RNLS: variants seen among roughly 807,000 people sequenced by gnomAD.
The protein encoded by RNLS is renalase.
RNLS carries 39 observed loss-of-function variants against 39.8 expected under a neutral mutation model. That is an observed-to-expected ratio of 0.98 (90% CI 0.76 to 1.28). The LOEUF (loss-of-function observed/expected upper bound fraction) is 1.28, where lower values mean the gene tolerates loss of function less well. Among genes scored for constraint, RNLS ranks in the 50% most tolerant of loss-of-function variants. RNLS has a pLI of 0.00. For synonymous variants in RNLS, 147 were observed against 150.7 expected (o/e 0.98, Z 0.18); for missense variants, 410 against 413.3 (o/e 0.99, Z 0.07).
chr10:88,281,405 G>C (rs916204805), downstream of RNLS, among the ~76,000 whole-genome samples: 7 of 152,126 alleles, frequency 4.6e-5, no homozygotes, highest in African/African-American at 1.7e-4. Flanking sequence ...TCACGAATTA[G>C]AGCATCTTAT....
intron 6 of RNLS, among the ~76,000 whole-genome samples, chr10:88,307,601 C>T (rs1845020262): frequency 1.3e-5 from 2 of 152,124 alleles, no homozygotes; most frequent in Admixed American, 1.3e-4. Context: ...GAATGAAACA[C>T]CTAGGAACAC....
chr10:88,551,078 G>A (rs1487697339), intron 4 of RNLS, among the ~76,000 whole-genome samples: 1 of 152,126 alleles, frequency 6.6e-6, no homozygotes, highest in African/African-American at 2.4e-5. Context: ...CAGAAGGCAT[G>A]GCTCATCAAG....
intron 4 of RNLS, among the ~76,000 whole-genome samples, chr10:88,489,455 C>T (rs2134057693): frequency 6.6e-6 from 1 of 152,286 alleles, no homozygotes; most frequent in Middle Eastern, 3.4e-3. Context: ...GGAACAAGAA[C>T]ATCAAAACCA....
chr10:88,199,030 C>A, the RNLS span, among the ~76,000 whole-genome samples: 5 of 152,270 alleles, frequency 3.3e-5, no homozygotes, highest in African/African-American at 1.2e-4. Flanking sequence ...GACTCCAGAG[C>A]AAACAACACC....
chr10:88,415,052 C>A (rs983552672), intron 4 of RNLS, among the ~76,000 whole-genome samples: 2 of 152,252 alleles, frequency 1.3e-5, no homozygotes, highest in South Asian at 4.1e-4. Context: ...TATGTGTGAG[C>A]TCTTAGCAGA....
intron 4 of RNLS, among the ~76,000 whole-genome samples, chr10:88,490,297 C>CA (rs891499901): frequency 1.3e-5 from 2 of 152,098 alleles, no homozygotes; most frequent in Non-Finnish European, 2.9e-5. Context: ...TTAAAAGAGG[C>CA]AAATGTAGTG....
chr10:88,245,840 G>C, the RNLS span, among the ~76,000 whole-genome samples: 1 of 152,270 alleles, frequency 6.6e-6, no homozygotes, highest in Middle Eastern at 3.4e-3. Flanking sequence ...CCGAAGGCTT[G>C]ATTCCTGATT....
intron 4 of RNLS, among the ~76,000 whole-genome samples, chr10:88,480,704 G>A (rs1422033274): frequency 6.6e-6 from 1 of 152,124 alleles, no homozygotes; most frequent in Non-Finnish European, 1.5e-5. Context: ...TTACAGGCAT[G>A]AGCCACTGTG....
chr10:88,175,650 T>C, the RNLS span, among the ~76,000 whole-genome samples: 2 of 152,230 alleles, frequency 1.3e-5, no homozygotes, highest in Non-Finnish European at 2.9e-5. Context: ...GAGACTTGTT[T>C]TGTGGCCCAT....
chr10:88,475,638 C>T (rs1266186847), intron 4 of RNLS, among the ~76,000 whole-genome samples: 1 of 152,076 alleles, frequency 6.6e-6, no homozygotes, highest in Non-Finnish European at 1.5e-5. Flanking sequence ...ATTTTCCTTC[C>T]TAAAAACTGC....
At chr10:88,410,941 T>G (rs574588512) in intron 4 of RNLS, among the ~76,000 whole-genome samples, 1 of 152,290 alleles carries the variant, frequency 6.6e-6, no homozygotes, top group South Asian at 2.1e-4. Context: ...ATAAGAGAGT[T>G]AAAGCCATGG....
rs966438830 is a variant in RNLS at position 88,406,964 on chromosome 10, C to T, written c.527-44239G>A. On this transcript the variant is annotated intron_variant, in intron 4 of 6. Transcript: ENST00000331772. Reference sequence around the variant, plus strand: ...AACTCAGGAATGTAAAACCAAACATCGCGTGTTCTCACTGATATGTGGGAG... The same window carrying T: ...AACTCAGGAATGTAAAACCAAACATTGCGTGTTCTCACTGATATGTGGGAG... 4.6e-5 allele frequency among the ~76,000 whole-genome samples: 7 copies of T among 152,006 alleles called. No individual in the cohort carries two copies. The East Asian group carries it at 7.8e-4, about 17-fold the overall frequency.
the RNLS span, among the ~76,000 whole-genome samples, chr10:88,245,379 T>G: frequency 6.6e-6 from 1 of 152,158 alleles, no homozygotes; most frequent in Non-Finnish European, 1.5e-5. Flanking sequence ...GGCAGAATGA[T>G]CTCAGGCAAA....
intron 4 of RNLS, among the ~76,000 whole-genome samples, chr10:88,440,783 T>G (rs1002981883): frequency 6.6e-6 from 1 of 152,216 alleles, no homozygotes; most frequent in South Asian, 2.1e-4. Flanking sequence ...ACTAGACCAG[T>G]TGCAGTCACT....
the RNLS span, among the ~76,000 whole-genome samples, chr10:88,245,144 C>T: frequency 7.9e-5 from 12 of 152,310 alleles, no homozygotes; most frequent in South Asian, 6.2e-4. Context: ...GGCATCAGCT[C>T]GAAGATTTAC....
At chr10:88,204,367 C>T in the RNLS span, among the ~76,000 whole-genome samples, 2 of 152,140 alleles carry the variant, frequency 1.3e-5, no homozygotes, top group African/African-American at 2.4e-5. Context: ...ACAGTGGCAG[C>T]TTTCGTGTCT....
chr10:88,482,434 G>T (rs1274063311), intron 4 of RNLS, among the ~76,000 whole-genome samples: 2 of 152,064 alleles, frequency 1.3e-5, no homozygotes, highest in Non-Finnish European at 2.9e-5. Context: ...GCTACTGAGA[G>T]ACTCTAGTGA....
At chr10:88,528,648 C>G (rs1847247010) in intron 4 of RNLS, among the ~76,000 whole-genome samples, 1 of 151,950 alleles carries the variant, frequency 6.6e-6, no homozygotes, top group Non-Finnish European at 1.5e-5. Context: ...GAGTTCAAGA[C>G]TAGCCTGGCT....
At chr10:88,187,215 T>TA in the RNLS span, among the ~76,000 whole-genome samples, 25 of 130,502 alleles carry the variant, frequency 1.9e-4, no homozygotes, top group Non-Finnish European at 2.7e-4. Context: ...ATAATATATA[T>TA]ATATAGGACT....
Sources: gnomAD v4.1 joint callset for allele counts (sites outside exome capture counted in the v4.1 genomes callset) on GRCh38, gnomAD v4.1.1 for gene constraint, MANE v1.5 for transcripts, NCBI Gene and HGNC (gene_info 2026-07-23, HGNC 2026-07-21) for gene names.